Variants in OCRL observed in about 807,000 individuals in gnomAD.
The protein encoded by OCRL is inositol polyphosphate 5-phosphatase OCRL.
Under a neutral mutation model 78.9 loss-of-function variants are expected in OCRL, and 8 were observed. The observed-to-expected ratio is 0.10, with a 90% confidence interval of 0.06 to 0.18. The LOEUF (loss-of-function observed/expected upper bound fraction) is 0.18. OCRL is among the 10% of genes least tolerant of loss of function. OCRL has a pLI of 1.00. For synonymous variants in OCRL, 240 were observed against 235.4 expected, an observed-to-expected ratio of 1.02 and a Z score of -0.18; for missense variants, 454 against 696.7, an observed-to-expected ratio of 0.65 and a Z score of 3.92.
intron 4 of OCRL, among the ~76,000 whole-genome samples, chrX:129,552,744 C>A (rs1935982997): frequency 8.9e-6 from 1 of 112,178 alleles, no homozygotes; most frequent in Non-Finnish European, 1.9e-5. Context: ...TTTTGAGACA[C>A]CTGAGTGTAG....
rs1936593784 is a variant in OCRL, at chrX:129,591,942, G to C, written c.*1672G>C. 8.8e-6 allele frequency: 1 copy of C among 113,375 alleles called. No homozygotes were observed. Among genetic ancestry groups the C allele is most frequent in the Non-Finnish European group, 1.9e-5 (1 of 53,192 alleles). 9.3% of individuals were successfully genotyped at this position (113,375 alleles called of 1,213,427 possible). On this transcript the variant is annotated 3_prime_UTR_variant, in exon 24 of 24. Transcript: ENST00000371113. ...TGATCACAAAAAGAGGCAGATGATA[G>C]ACACTGGGGTAGGGTCATACCACAG...
chrX:129,549,846 GTGGCCGCT>G (rs929945638), intron 4 of OCRL: 3 of 112,254 alleles, frequency 2.7e-5, no homozygotes, highest in African/African-American at 9.7e-5. Flanking sequence ...TAGTTTTGTT[GTGGCCGCT>G]TCTACATTAG....
chrX:129,589,901 C>A lies in OCRL; in HGVS notation c.2526C>A (p.Phe842Leu). 2 of 1,210,305 alleles carry A rather than the reference C, an allele frequency of 1.7e-6. No homozygotes were observed. The highest frequency in any genetic ancestry group is 2.2e-6 in the Non-Finnish European group (2 of 894,149). The change falls in exon 23 of 24, where the codon TTC (phenylalanine) becomes TTA (leucine). Residue 842 changes from phenylalanine to leucine, a missense_variant. Around this residue, in one of 2 missense-constraint regions of OCRL, gnomAD observed 277 missense variants for 517.1 expected, o/e 0.54. Coordinates refer to ENST00000371113, the MANE Select transcript of OCRL (RefSeq NM_000276.4). The part of the protein sequence containing the change: ...HRNVFRYLMA[F>L]LRELLKFSEY... The stretch of plus-strand genomic sequence containing the variant: ...ATGTTTTCCGTTACTTGATGGCATT[C>A]CTTCGAGAACTCTTAAAATTCTCTG...
At chrX:129,548,499 TC>T (rs1935919045) in intron 3 of OCRL, 63 bp from the exon 4 acceptor site, 1 of 857,627 alleles carries the variant, frequency 1.2e-6, no homozygotes. Flanking sequence ...AGGCATGTAT[TC>T]TTTTGGTTGT....
intron 13 of OCRL, among the ~76,000 whole-genome samples, chrX:129,566,928 A>T (rs759688231): frequency 1.8e-5 from 2 of 112,371 alleles, no homozygotes; most frequent in African/African-American, 6.5e-5. Context: ...TTTAAATTAA[A>T]ATTGTGCTGG....
chrX:129,575,019 G>A (rs895636446), intron 15 of OCRL, 121 bp from the exon 16 acceptor site: 15 of 533,097 alleles, frequency 2.8e-5, no homozygotes, highest in Non-Finnish European at 4.7e-5. Context: ...TGAGGATGTT[G>A]TTTGCACCAC....
At chrX:129,559,023 T>G in intron 8 of OCRL, 22 bp downstream of exon 8, 1 of 1,195,827 alleles carries the variant, frequency 8.4e-7, no homozygotes, top group African/African-American at 1.7e-5. Context: ...TTTTGCTTCC[T>G]GAGTCTAAAA....
chrX:129,570,341 T>C (rs1170183671), intron 15 of OCRL, among the ~76,000 whole-genome samples: 1 of 112,085 alleles, frequency 8.9e-6, no homozygotes, highest in Non-Finnish European at 1.9e-5. Flanking sequence ...TTATGTAACA[T>C]ATTTATGCCT....
intron 3 of OCRL, among the ~76,000 whole-genome samples, 199 bp from the exon 4 acceptor site, chrX:129,548,364 T>C (rs1413611721): frequency 1.8e-5 from 2 of 112,141 alleles, no homozygotes; most frequent in Non-Finnish European, 3.8e-5. Context: ...TTTAGTTGAT[T>C]TGCTCATAGT....
intron 12 of OCRL, among the ~76,000 whole-genome samples, chrX:129,564,719 T>G: frequency 9.6e-6 from 1 of 104,444 alleles, no homozygotes; most frequent in African/African-American, 3.5e-5. Flanking sequence ...TGGGGACTGT[T>G]GTGGGGTGGG....
intron 18 of OCRL, among the ~76,000 whole-genome samples, chrX:129,578,003 A>G (rs1936393921): frequency 9.0e-6 from 1 of 111,427 alleles, no homozygotes; most frequent in Admixed American, 9.6e-5. Context: ...TCAAATGTGC[A>G]GAAAAATGGA....
At chrX:129,551,066 G>A (rs1483123563) in intron 4 of OCRL, among the ~76,000 whole-genome samples, 1 of 110,339 alleles carries the variant, frequency 9.1e-6, no homozygotes, top group Non-Finnish European at 1.9e-5. Context: ...TTCCTTATTT[G>A]ACCAATTGGT....
At chrX:129,584,082 G>T (rs752615192) in intron 18 of OCRL, among the ~76,000 whole-genome samples, 2 of 112,167 alleles carry the variant, frequency 1.8e-5, no homozygotes, top group African/African-American at 6.5e-5. Flanking sequence ...AGATGCCAAA[G>T]GGCACTGAAG....
chrX:129,584,189 C>T (rs1156549745), intron 18 of OCRL, among the ~76,000 whole-genome samples, 155 bp from the exon 19 acceptor site: 4 of 112,546 alleles, frequency 3.6e-5, no homozygotes, highest in South Asian at 7.2e-4. Flanking sequence ...ATTTCATTTT[C>T]AACAATCATA....
intron 15 of OCRL, among the ~76,000 whole-genome samples, chrX:129,572,814 T>C (rs966138539): frequency 9.0e-6 from 1 of 111,558 alleles, no homozygotes; most frequent in Non-Finnish European, 1.9e-5. Context: ...AGCTGTGCTT[T>C]TAAGACATAC....
In OCRL at chrX:129,589,307, T is replaced by A. The variant is rs184933259; in HGVS notation, c.2469+294T>A. ...AGCTGATTGTACGTGGAATTCTGGC[T>A]GACATTACCAGGAAGGATGGGTGAC... On this transcript the variant is annotated intron_variant, in intron 22 of 23. Coordinates refer to ENST00000371113, the MANE Select transcript of OCRL (RefSeq NM_000276.4). The A allele has an allele frequency of 2.6e-4, 87 of 330,119 alleles. No homozygotes were observed. In the East Asian group the frequency reaches 3.9e-3, roughly 15 times the overall value. 27.2% of individuals were successfully genotyped at this position (330,119 alleles called of 1,213,427 possible).
At chrX:129,584,168 A>G (rs1006550029) in intron 18 of OCRL, among the ~76,000 whole-genome samples, 176 bp from the exon 19 acceptor site, 1 of 112,837 alleles carries the variant, frequency 8.9e-6, no homozygotes, top group Admixed American at 9.3e-5. Flanking sequence ...AACTTTGTGT[A>G]TGAAAAATGT....
At chrX:129,585,812 G>A (rs964822153) in intron 19 of OCRL, among the ~76,000 whole-genome samples, 3 of 112,105 alleles carry the variant, frequency 2.7e-5, no homozygotes, top group Non-Finnish European at 5.6e-5. Context: ...GCTTGTTAAA[G>A]AACACAATGT....
At chrX:129,548,675 C>A (rs756404602) in intron 4 of OCRL, 74 bp downstream of exon 4, 8 of 854,550 alleles carry the variant, frequency 9.4e-6, no homozygotes, top group Non-Finnish European at 1.2e-5. Flanking sequence ...ATTTAAGACA[C>A]CTTTTGGGGC....
Sources: allele counts gnomAD v4.1 joint callset (sites outside exome capture counted in the v4.1 genomes callset), GRCh38; gene constraint gnomAD v4.1.1; regional missense constraint gnomAD v4.1.1; transcripts MANE v1.5; gene names NCBI Gene and HGNC (gene_info 2026-07-23, HGNC 2026-07-21).